Variants in RFTN1 observed in about 807,000 individuals in gnomAD.
RFTN1 encodes raftlin, lipid raft linker 1.
In RFTN1, 26 loss-of-function variants were observed where a neutral mutation model predicts 46.5. That is an observed-to-expected ratio of 0.56 (90% CI 0.41 to 0.78). The LOEUF (loss-of-function observed/expected upper bound fraction) is 0.78, where lower values mean the gene tolerates loss of function less well. RFTN1 is among the 30% of genes least tolerant of loss of function. The pLI, the probability that RFTN1 is intolerant of heterozygous loss-of-function variation, is 0.00. For synonymous variants in RFTN1, 261 were observed against 284.2 expected, an observed-to-expected ratio of 0.92 and a Z score of 0.82; for missense variants, 693 against 718.7, an observed-to-expected ratio of 0.96 and a Z score of 0.41.
At chr3:16,404,673 C>T (rs913084143) in intron 4 of RFTN1, among the ~76,000 whole-genome samples, 23 of 151,948 alleles carry the variant, frequency 1.5e-4, no homozygotes, top group African/African-American at 4.6e-4. Context: ...ATGCCAGCAA[C>T]GGCACAGAGC....
intron 4 of RFTN1, among the ~76,000 whole-genome samples, chr3:16,397,340 T>G (rs1594090): frequency 0.25 from 38,222 of 152,060 alleles, 5,286 homozygotes; most frequent in East Asian, 0.32. Context: ...CTGGTTACTA[T>G]GGCAGAAAGG....
intron 2 of RFTN1, among the ~76,000 whole-genome samples, chr3:16,478,308 G>A (rs1011832194): frequency 5.3e-5 from 8 of 152,156 alleles, no homozygotes; most frequent in African/African-American, 1.9e-4. Context: ...CTGAAATATA[G>A]AGCCCGGGGG....
chr3:16,392,101 T>A, intron 4 of RFTN1, among the ~76,000 whole-genome samples: 1 of 152,012 alleles, frequency 6.6e-6, no homozygotes, highest in East Asian at 1.9e-4. Context: ...CTCCCTGCAG[T>A]GTCCTCTAGC....
At chr3:16,392,194 C>A (rs2074367731) in intron 4 of RFTN1, among the ~76,000 whole-genome samples, 1 of 152,100 alleles carries the variant, frequency 6.6e-6, no homozygotes, top group African/African-American at 2.4e-5. Flanking sequence ...AAGGGGAAAA[C>A]CTTATGTGGG....
intron 7 of RFTN1, among the ~76,000 whole-genome samples, chr3:16,355,664 G>T (rs573070138): frequency 3.5e-4 from 54 of 152,328 alleles, no homozygotes; most frequent in African/African-American, 1.2e-3. Flanking sequence ...TTCTTAAAAT[G>T]GAGTGAGCCT....
intron 2 of RFTN1, among the ~76,000 whole-genome samples, chr3:16,477,632 C>T (rs2076303592): frequency 6.6e-6 from 1 of 152,216 alleles, no homozygotes; most frequent in South Asian, 2.1e-4. Context: ...CGGCAGCGAC[C>T]AGATGCTGGC....
intron 6 of RFTN1, among the ~76,000 whole-genome samples, chr3:16,359,216 A>G (rs1162987003): frequency 2.6e-5 from 4 of 152,040 alleles, no homozygotes; most frequent in Non-Finnish European, 5.9e-5. Flanking sequence ...AGGCTCTATC[A>G]TGAAAGGTGA....
rs1219386715 is a variant in RFTN1 at position 16,418,025 on chromosome 3, C to T, written c.333-8542G>A. On this transcript the variant is annotated intron_variant, in intron 3 of 9. Transcript: ENST00000334133. The surrounding 1 kb of genome is among the most constrained non-coding windows in gnomAD (Gnocchi z 5.0). ...CCCGGCCTTGTCTGACCCATTTAAA[C>T]AGCCCCTCACTCTGCTCTCACAGTG... 5.3e-5 allele frequency among the ~76,000 whole-genome samples: 8 copies of T among 152,280 alleles called. No individual in the cohort carries two copies. The highest frequency in any genetic ancestry group is 6.8e-3 in the Middle Eastern group (2 of 294).
intron 2 of RFTN1, among the ~76,000 whole-genome samples, chr3:16,462,033 C>T (rs770358753): frequency 6.6e-6 from 1 of 152,176 alleles, no homozygotes; most frequent in Non-Finnish European, 1.5e-5. Context: ...GGAAGCAGTC[C>T]AACCAGAAAT....
In RFTN1 at chr3:16,507,963, A is replaced by T. The variant is rs1029188267; in HGVS notation, c.-9+5479T>A. 2.6e-5 allele frequency among the ~76,000 whole-genome samples: 4 copies of T among 152,238 alleles called. No individual in the cohort carries two copies. The highest frequency in any genetic ancestry group is 5.9e-5 in the Non-Finnish European group (4 of 68,040). ...CAACACGACGGGACATTTCAGGTGT[A>T]AACGCCAGAGAAAGTTGTCAGTGAG... On this transcript the variant is annotated intron_variant, in intron 1 of 9. Coordinates refer to ENST00000334133, the MANE Select transcript of RFTN1 (RefSeq NM_015150.2). This position sits in a 1 kb window ranked among gnomAD's most constrained non-coding sequence, Gnocchi z 7.1.
intron 7 of RFTN1, among the ~76,000 whole-genome samples, chr3:16,340,791 A>G (rs1267130911): frequency 6.6e-6 from 1 of 152,218 alleles, no homozygotes; most frequent in African/African-American, 2.4e-5. Flanking sequence ...TTCAAGGTGA[A>G]GTCAAAGGTG....
chr3:16,370,076 C>A lies in RFTN1; in HGVS notation c.1030G>T (p.Asp344Tyr). The A allele has an allele frequency of 6.2e-7, 1 of 1,613,832 alleles. No individual in the cohort carries two copies. Among genetic ancestry groups the A allele is most frequent in the Non-Finnish European group, 8.5e-7 (1 of 1,179,728 alleles). ...CAAGGACTGTGAATTCCAAACATAC[C>A]ATTCACTATTCCAAGGTAGAAGACT... Reference protein sequence around the residue: ...NAVFYLGIVNDSLHGLTDGVF... With the variant: ...NAVFYLGIVNYSLHGLTDGVF... The change falls in exon 6 of 10, where the codon GAT becomes TAT. Residue 344 changes from aspartate (D) to tyrosine (Y), a missense_variant and splice_region_variant. By Grantham distance (160) the Asp-to-Tyr change is radical. Coordinates refer to ENST00000334133, the MANE Select transcript of RFTN1 (RefSeq NM_015150.2). This position sits in a 1 kb window ranked among gnomAD's most constrained non-coding sequence, Gnocchi z 5.5.
At chr3:16,409,678 C>T (rs1156511737) in intron 3 of RFTN1, among the ~76,000 whole-genome samples, 195 bp from the exon 4 acceptor site, 3 of 144,336 alleles carry the variant, frequency 2.1e-5, no homozygotes, top group African/African-American at 2.6e-5. Context: ...CTACCACACC[C>T]GGCTAATTTT....
At position 16,440,270 on chromosome 3, in the gene RFTN1, T is replaced by A. The variant is rs58459434; in HGVS notation, c.146-6233A>T. 5.3e-3 allele frequency among the ~76,000 whole-genome samples: 803 copies of A among 152,310 alleles called. 10 individuals carry two copies. The highest frequency in any genetic ancestry group is 0.018 in the African/African-American group (754 of 41,564). ...CCCACGTGCTCCCACACTGCCACAA[T>A]CTTGGCTCACTGAAACCTCCGCCTT... On this transcript the variant is annotated intron_variant, in intron 2 of 9. Coordinates refer to ENST00000334133, the MANE Select transcript of RFTN1 (RefSeq NM_015150.2). The surrounding 1 kb of genome is among the most constrained non-coding windows in gnomAD (Gnocchi z 4.6).
Position 16,316,935 on chromosome 3 carries a change from T to C in RFTN1, c.1630A>G (p.Ser544Gly), listed in dbSNP as rs1023422972. 4 of 1,614,016 alleles carry C rather than the reference T, an allele frequency of 2.5e-6. No homozygotes were observed. The African/African-American group carries it at 4.0e-5, about 16-fold the overall frequency. Residue 544 changes from serine (S) to glycine (G), a missense_variant, in exon 10 of 10, where the codon AGC (serine) becomes GGC (glycine). Ser to Gly is a moderately conservative substitution (Grantham distance 56). Coordinates refer to ENST00000334133, the MANE Select transcript of RFTN1 (RefSeq NM_015150.2). This position sits in a 1 kb window ranked among gnomAD's most constrained non-coding sequence, Gnocchi z 4.5. ...GTGCAAATCCCCACCAGGGCCCTGC[T>C]GTGGCTGGCAGGACCATTCTGCACA... The part of the protein sequence containing the change: ...EAVQNGPASH[S>G]RALVGICTGH...
In RFTN1 at chr3:16,321,971, C is replaced by CA. The variant is rs2069110951; in HGVS notation, c.1332+1404dup. 6.6e-6 allele frequency among the ~76,000 whole-genome samples: 1 copy of CA among 152,218 alleles called. No homozygotes were observed. The highest frequency in any genetic ancestry group is 2.4e-5 in the African/African-American group (1 of 41,460). On this transcript the variant is annotated intron_variant, in intron 9 of 9. Transcript: ENST00000334133. The surrounding 1 kb of genome is among the most constrained non-coding windows in gnomAD (Gnocchi z 4.8). ...CTTTGGAATCTGTGTGCCCCACCACCAGGAACCTGTTAGGCAAAGGTGGCA... is the reference window on the plus strand; with the variant it reads ...CTTTGGAATCTGTGTGCCCCACCACCAAGGAACCTGTTAGGCAAAGGTGGCA...
intron 3 of RFTN1, 60 bp from the exon 4 acceptor site, chr3:16,409,543 G>T (rs968239139): frequency 1.7e-6 from 2 of 1,208,994 alleles, no homozygotes; most frequent in African/African-American, 3.0e-5. Flanking sequence ...TTTGGAGACA[G>T]TCTCACTCTT....
intron 3 of RFTN1, among the ~76,000 whole-genome samples, chr3:16,411,253 T>A (rs889463471): frequency 2.0e-5 from 3 of 152,208 alleles, no homozygotes; most frequent in Admixed American, 1.3e-4. Context: ...TCTAACTGTG[T>A]ATTTGCTGCA....
At chr3:16,396,085 GAC>G (rs2074460962) in intron 4 of RFTN1, among the ~76,000 whole-genome samples, 1 of 152,056 alleles carries the variant, frequency 6.6e-6, no homozygotes, top group Non-Finnish European at 1.5e-5. Context: ...CACTTTATAA[GAC>G]AGAGTTGCTA....
Sources: gnomAD v4.1 joint callset for allele counts (sites outside exome capture counted in the v4.1 genomes callset) on GRCh38, gnomAD v4.1.1 for gene constraint, Gnocchi (gnomAD v3.1) non-coding constraint, MANE v1.5 for transcripts, NCBI Gene and HGNC (gene_info 2026-07-23, HGNC 2026-07-21) for gene names.